ZNF568: variants seen among roughly 807,000 people sequenced by gnomAD.
The protein encoded by ZNF568 is p53 inhibitor of SCO2 activation.
In ZNF568, 11 loss-of-function variants were observed where a neutral mutation model predicts 18.1. The ratio of observed to expected loss-of-function variants is 0.61; its 90% CI spans 0.38 to 1.00. ZNF568 has a LOEUF of 1.00. Ranked by LOEUF, ZNF568 falls within the 50% of genes least tolerant of loss-of-function variation. The pLI is 0.01. For missense variants in ZNF568, 639 were observed against 768.2 expected, an observed-to-expected ratio of 0.83 and a Z score of 1.99; for synonymous variants, 213 against 246.6, an observed-to-expected ratio of 0.86 and a Z score of 1.28.
chr19:36,940,651 A>G (rs951934236), intron 6 of ZNF568, among the ~76,000 whole-genome samples: 2 of 152,258 alleles, frequency 1.3e-5, no homozygotes, highest in African/African-American at 4.8e-5. Context: ...CACATGAGAT[A>G]GTGTTGAATG....
At chr19:36,971,966 C>A (rs1247152394) in intron 6 of ZNF568, among the ~76,000 whole-genome samples, 1 of 151,266 alleles carries the variant, frequency 6.6e-6, no homozygotes, top group South Asian at 2.1e-4. Flanking sequence ...TCCTGAGTAG[C>A]TGGGACTACA....
chr19:36,984,902 C>G (rs552449038), downstream of ZNF568, among the ~76,000 whole-genome samples: 1 of 151,904 alleles, frequency 6.6e-6, no homozygotes, highest in Non-Finnish European at 1.5e-5. Flanking sequence ...GTGTGATTGT[C>G]TAGGCATGGA....
Position 36,994,428 on chromosome 19 carries a change from G to A in ZNF568, c.230-1889G>A, listed in dbSNP as rs145914324. Among the ~76,000 whole-genome samples, 1,311 of 152,204 alleles carry A rather than the reference G, an allele frequency of 8.6e-3. 14 individuals carry two copies. Among genetic ancestry groups the A allele is most frequent in the Admixed American group, 0.028 (430 of 15,288 alleles). On this transcript the variant is annotated intron_variant, in intron 4 of 4. Transcript: ENST00000433993. ...ACAAATGTTTTCTTAGGTTTAATTG[G>A]TTTATAGTGTTTTTCAAGCAATCTG...
At chr19:36,944,970 A>T (rs530012459) in intron 6 of ZNF568, among the ~76,000 whole-genome samples, 1 of 152,080 alleles carries the variant, frequency 6.6e-6, no homozygotes, top group South Asian at 2.1e-4. Flanking sequence ...TTTGATAAGT[A>T]GGCTTGTTTC....
intron 4 of ZNF568, among the ~76,000 whole-genome samples, chr19:36,928,594 TG>T (rs1168148585): frequency 2.6e-5 from 4 of 152,132 alleles, no homozygotes; most frequent in Non-Finnish European, 5.9e-5. Context: ...AAAAGCAGGA[TG>T]GTGCATTCAA....
intron 4 of ZNF568, 26 bp from the exon 5 acceptor site, chr19:36,936,720 A>G (rs953060501): frequency 1.9e-6 from 3 of 1,602,562 alleles, no homozygotes; most frequent in South Asian, 1.1e-5. Context: ...GATGACTTCA[A>G]ATTAATTAGC....
At chr19:36,937,062 A>T in intron 5 of ZNF568, 85 bp from the exon 6 acceptor site, 1 of 1,429,338 alleles carries the variant, frequency 7.0e-7, no homozygotes. Flanking sequence ...CATCTTTTAT[A>T]AGCCCTCAAG....
downstream of ZNF568, among the ~76,000 whole-genome samples, chr19:36,957,498 G>A (rs2074117008): frequency 6.6e-6 from 1 of 152,156 alleles, no homozygotes; most frequent in Admixed American, 6.5e-5. Context: ...AGAGTGCTGG[G>A]ATTACAGGCA....
chr19:36,936,241 T>C (rs2073787642), intron 4 of ZNF568, among the ~76,000 whole-genome samples: 1 of 152,166 alleles, frequency 6.6e-6, no homozygotes, highest in South Asian at 2.1e-4. Flanking sequence ...TCTTCCCTTG[T>C]TTTGTACTAT....
chr19:36,949,986 A>G lies in ZNF568; in HGVS notation c.833A>G (p.Tyr278Cys), dbSNP rs200745515. Residue 278 changes from tyrosine (Y) to cysteine (C), a missense_variant, in exon 7 of 7, where the codon TAT becomes TGT. Tyr to Cys is a radical substitution (Grantham distance 194). Transcript: ENST00000333987. ...AAAATTCATACTGGGGAAAAACCGTATAAGTGTAATGAATGTGGAAAAGCT... is the reference window on the plus strand; with the variant it reads ...AAAATTCATACTGGGGAAAAACCGTGTAAGTGTAATGAATGTGGAAAAGCT... Reference protein sequence around the residue: ...HQKIHTGEKPYKCNECGKAFI... With the variant: ...HQKIHTGEKPCKCNECGKAFI... The G allele has an allele frequency of 4.3e-4, 687 of 1,613,870 alleles. No individual in the cohort carries two copies. Among genetic ancestry groups the G allele is most frequent in the Non-Finnish European group, 5.5e-4 (647 of 1,179,960 alleles).
chr19:36,960,725 T>A (rs1362230831), intron 6 of ZNF568, among the ~76,000 whole-genome samples: 1 of 143,078 alleles, frequency 7.0e-6, no homozygotes, highest in African/African-American at 2.6e-5. Flanking sequence ...TGAAACTCCA[T>A]CTCAAAAAAA....
intron 4 of ZNF568, among the ~76,000 whole-genome samples, chr19:36,995,573 G>T (rs1323480847): frequency 2.6e-5 from 4 of 152,076 alleles, no homozygotes; most frequent in Non-Finnish European, 5.9e-5. Flanking sequence ...TGGTATTGTG[G>T]TATTTGTTTT....
At chr19:36,983,893 CTTTTTTTTT>C (rs57048125), downstream of ZNF568, among the ~76,000 whole-genome samples, 1 of 108,570 alleles carries the variant, frequency 9.2e-6, no homozygotes, top group Non-Finnish European at 1.7e-5. Flanking sequence ...CAACTTTGTC[CTTTTTTTTT>C]TTTTTTTTTT....
Position 36,949,852 on chromosome 19 carries a change from T to C in ZNF568, c.699T>C (p.His233=), listed in dbSNP as rs1568393132. 1.2e-6 allele frequency: 2 copies of C among 1,614,018 alleles called. No individual in the cohort carries two copies. The highest frequency in any genetic ancestry group is 1.7e-6 in the Non-Finnish European group (2 of 1,179,946). Reference sequence around the variant, plus strand: ...ATCAGTGTGGACAAGACTTCAGTCATAAATTTGACCTCATTAGACATGAGC... The same window carrying C: ...ATCAGTGTGGACAAGACTTCAGTCACAAATTTGACCTCATTAGACATGAGC... ...KCNQCGQDFS[H]KFDLIRHERI... Residue 233 remains histidine, a synonymous_variant, in exon 7 of 7, where the codon CAT becomes CAC. Coordinates refer to ENST00000333987, the MANE Select transcript of ZNF568 (RefSeq NM_198539.4).
intron 6 of ZNF568, among the ~76,000 whole-genome samples, chr19:36,961,276 CTTT>C (rs142769873): frequency 1.3e-4 from 17 of 131,834 alleles, no homozygotes; most frequent in Admixed American, 9.0e-4. Context: ...CCTTCTTTGT[CTTT>C]TTTTTTTTTT....
intron 6 of ZNF568, among the ~76,000 whole-genome samples, chr19:36,971,017 CG>C (rs1568402046): frequency 1.3e-5 from 2 of 151,658 alleles, no homozygotes; most frequent in East Asian, 3.9e-4. Context: ...CTGAGGTGGG[CG>C]GATCACCTGA....
At chr19:36,981,166 G>T (rs2074328239), downstream of ZNF568, among the ~76,000 whole-genome samples, 1 of 152,022 alleles carries the variant, frequency 6.6e-6, no homozygotes, top group African/African-American at 2.4e-5. Flanking sequence ...GTCTATTCTG[G>T]GCTCTCCTTT....
Position 36,950,625 on chromosome 19 carries a change from G to A in ZNF568, c.1472G>A (p.Arg491Gln), listed in dbSNP as rs368410916. 9.2e-5 allele frequency: 148 copies of A among 1,613,260 alleles called. No homozygotes were observed. Among genetic ancestry groups the A allele is most frequent in the Non-Finnish European group, 1.2e-4 (145 of 1,179,792 alleles). Residue 491 changes from arginine to glutamine, a missense_variant, in exon 7 of 7, where the codon CGA becomes CAA. By Grantham distance (43) the Arg-to-Gln change is conservative. Transcript: ENST00000333987. ...TTTATTCAGATGTCAAACCTCATTC[G>A]ACACCAGAGAATTCATACGGGTGAG... ...KAFIQMSNLI[R>Q]HQRIHTGEKP...
Position 36,951,318 on chromosome 19 carries a change from A to G in ZNF568, c.*230A>G, listed in dbSNP as rs1220091463. 2.8e-6 allele frequency: 1 copy of G among 351,666 alleles called. No individual in the cohort carries two copies. Among genetic ancestry groups the G allele is most frequent in the African/African-American group, 2.1e-5 (1 of 47,478 alleles). 21.8% of individuals were successfully genotyped at this position (351,666 alleles called of 1,614,324 possible). On this transcript the variant is annotated 3_prime_UTR_variant, in exon 7 of 7. Transcript: ENST00000333987. ...CAGTTCCAAACAAAATCAACTAAGA[A>G]TTTTCTAGGATCTTTCAAAAATGAT...
Sources: gnomAD v4.1 joint callset for allele counts (sites outside exome capture counted in the v4.1 genomes callset) on GRCh38, gnomAD v4.1.1 for gene constraint, MANE v1.5 for transcripts, NCBI Gene and HGNC (gene_info 2026-07-23, HGNC 2026-07-21) for gene names.